CCDC18: variants seen among roughly 807,000 people sequenced by gnomAD.
CCDC18 encodes coiled-coil domain containing 18, also known as coiled-coil domain-containing protein 18.
A neutral mutation model predicts 196.0 loss-of-function variants in CCDC18; 157 were observed. The observed-to-expected ratio is 0.80, with a 90% CI of 0.70 to 0.91. The LOEUF (loss-of-function observed/expected upper bound fraction) is 0.91. Among genes scored for constraint, CCDC18 ranks in the 40% least tolerant of loss-of-function variants. CCDC18 has a pLI of 0.00. For missense variants in CCDC18, 1,465 were observed against 1,611.6 expected (o/e 0.91, Z 1.56); for synonymous variants, 482 against 529.2 (o/e 0.91, Z 1.22).
Position 93,224,366 on chromosome 1 carries a change from A to G in CCDC18, c.2176-1967A>G, listed in dbSNP as rs1657963072. Among the ~76,000 whole-genome samples, 3 of 152,134 alleles carry G rather than the reference A, an allele frequency of 2.0e-5. No individual in the cohort carries two copies. In the South Asian group the frequency reaches 6.2e-4, roughly 31 times the overall value. On this transcript the variant is annotated intron_variant, in intron 16 of 28. Coordinates refer to ENST00000690025, the MANE Select transcript of CCDC18 (RefSeq NM_001378204.1). ...ATTTCTTCTGTATGGCCACACCACC[A>G]CTACACTACAGAGAAAGTCAACATT... is the stretch of plus-strand genomic sequence containing the variant.
At chr1:93,270,859 G>C in intron 28 of CCDC18, 45 bp downstream of exon 28, 1 of 1,373,134 alleles carries the variant, frequency 7.3e-7, no homozygotes, top group East Asian at 2.6e-5. Context: ...TGTTTCCAAA[G>C]AATATCATTT....
At chr1:93,265,034 A>G in intron 27 of CCDC18, 133 bp downstream of exon 27, 1 of 616,510 alleles carries the variant, frequency 1.6e-6, no homozygotes, top group Non-Finnish European at 2.9e-6. Context: ...CATTTGATTT[A>G]GAAGATGTTG....
intron 4 of CCDC18, chr1:93,191,077 T>A: frequency 1.5e-6 from 1 of 649,752 alleles, no homozygotes; most frequent in Non-Finnish European, 2.6e-6. Context: ...GGGAGTGCTA[T>A]CAGCAAGGAG....
At chr1:93,198,812 T>G (rs1196906007) in intron 6 of CCDC18, among the ~76,000 whole-genome samples, 1 of 152,110 alleles carries the variant, frequency 6.6e-6, no homozygotes, top group African/African-American at 2.4e-5. Flanking sequence ...CACACCCGAC[T>G]AATTTTTAAA....
At chr1:93,272,296 A>G (rs1665339283) in intron 28 of CCDC18, among the ~76,000 whole-genome samples, 1 of 152,188 alleles carries the variant, frequency 6.6e-6, no homozygotes, top group African/African-American at 2.4e-5. Context: ...AGTGCCTGGT[A>G]TATAGTAGAT....
intron 1 of CCDC18, among the ~76,000 whole-genome samples, chr1:93,182,507 G>A (rs757611600): frequency 3.3e-5 from 5 of 152,200 alleles, no homozygotes; most frequent in Admixed American, 6.5e-5. Context: ...AAAGAGGAAT[G>A]TAATTTTAAG....
intron 17 of CCDC18, among the ~76,000 whole-genome samples, chr1:93,227,849 T>G (rs1176584202): frequency 6.7e-6 from 1 of 150,302 alleles, no homozygotes; most frequent in Non-Finnish European, 1.5e-5. Context: ...TCCCAGCTAC[T>G]CAGGAAGCTG....
chr1:93,217,428 T>C (rs1267421966), intron 13 of CCDC18, among the ~76,000 whole-genome samples: 1 of 152,190 alleles, frequency 6.6e-6, no homozygotes, highest in Admixed American at 6.5e-5. Flanking sequence ...AATGTACTTT[T>C]ATGTAAAACT....
chr1:93,272,107 CTA>C lies in CCDC18; in HGVS notation c.4353+1295_4353+1296del, dbSNP rs368649896. ...CTTTGGTGGCCTGAACAGTTAAAAA[CTA>C]TTTTTTTGGAATAGATCCAAGACAA... On this transcript the variant is annotated intron_variant, in intron 28 of 28. Coordinates refer to ENST00000690025, the MANE Select transcript of CCDC18 (RefSeq NM_001378204.1). 4.3e-4 allele frequency among the ~76,000 whole-genome samples: 65 copies of C among 152,254 alleles called. 1 individual carries two copies. Among genetic ancestry groups the C allele is most frequent in the African/African-American group, 1.3e-3 (56 of 41,546 alleles).
chr1:93,180,523 C>G (rs762891692), upstream of CCDC18: 25 of 1,525,362 alleles, frequency 1.6e-5, no homozygotes, highest in East Asian at 2.7e-5. Context: ...TGACGGCCTC[C>G]GGTTCCCATG....
intron 7 of CCDC18, among the ~76,000 whole-genome samples, chr1:93,202,306 C>G (rs1038985321): frequency 6.6e-6 from 1 of 152,094 alleles, no homozygotes; most frequent in Non-Finnish European, 1.5e-5. Context: ...TTTATCACTT[C>G]AATGAAAATG....
At chr1:93,248,462 T>C (rs1346330568) in intron 23 of CCDC18, among the ~76,000 whole-genome samples, 1 of 152,240 alleles carries the variant, frequency 6.6e-6, no homozygotes, top group Non-Finnish European at 1.5e-5. Flanking sequence ...TAATGTATCA[T>C]GTTTAATGAT....
intron 26 of CCDC18, among the ~76,000 whole-genome samples, chr1:93,260,738 A>G (rs1049076983): frequency 6.6e-6 from 1 of 152,024 alleles, no homozygotes; most frequent in African/African-American, 2.4e-5. Context: ...CACCTACATT[A>G]GGTATTTCTC....
intron 16 of CCDC18, among the ~76,000 whole-genome samples, chr1:93,224,022 C>A (rs1000006426): frequency 6.6e-6 from 1 of 151,824 alleles, no homozygotes; most frequent in African/African-American, 2.4e-5. Context: ...ATAAGAAATT[C>A]AATAGAGTAG....
At chr1:93,205,447 T>C (rs1654562520) in intron 7 of CCDC18, 63 bp from the exon 8 acceptor site, 5 of 1,424,386 alleles carry the variant, frequency 3.5e-6, no homozygotes, top group South Asian at 1.3e-5. Context: ...TACTGACATT[T>C]TTAGCTTGAA....
chr1:93,180,967 G>C, intron 1 of CCDC18, 115 bp downstream of exon 1: 10 of 1,020,680 alleles, frequency 9.8e-6, no homozygotes, highest in Non-Finnish European at 1.4e-5. Context: ...GGATGCGCTG[G>C]GACTGGTCCT....
rs919531564 is a variant in CCDC18, at chr1:93,270,699, C to T, written c.4238C>T (p.Ala1413Val). Reference sequence around the variant, plus strand: ...AAACCTCTCACATATAACCTAGAAGCTGATAGTTCTGAGAATAATGACTTT... The same window carrying T: ...AAACCTCTCACATATAACCTAGAAGTTGATAGTTCTGAGAATAATGACTTT... ...SFKPLTYNLEADSSENNDFNT... is the reference protein window; with the variant it reads ...SFKPLTYNLEVDSSENNDFNT... Residue 1413 changes from alanine to valine, a missense_variant, in exon 28 of 29, where the codon GCT (alanine) becomes GTT (valine). Transcript: ENST00000690025. The T allele has an allele frequency of 1.8e-5, 28 of 1,550,162 alleles. No individual in the cohort carries two copies. The highest frequency in any genetic ancestry group is 2.4e-5 in the Non-Finnish European group (28 of 1,146,858).
intron 3 of CCDC18, among the ~76,000 whole-genome samples, 184 bp from the exon 4 acceptor site, chr1:93,186,161 A>G (rs1018345160): frequency 1.5e-4 from 23 of 152,032 alleles, no homozygotes; most frequent in Middle Eastern, 6.8e-3. Context: ...ATGTACTTCC[A>G]CCAGCAGTGG....
At chr1:93,180,631 C>T (rs1186610744), upstream of CCDC18, 1 of 1,334,718 alleles carries the variant, frequency 7.5e-7, no homozygotes. Flanking sequence ...GACCACGATC[C>T]CCGGCAAGCC....
Sources: allele counts gnomAD v4.1 joint callset (sites outside exome capture counted in the v4.1 genomes callset), GRCh38; gene constraint gnomAD v4.1.1; transcripts MANE v1.5; gene names NCBI Gene and HGNC (gene_info 2026-07-23, HGNC 2026-07-21).